The following HERC2 variants were observed in gnomAD, a reference collection of about 807,000 sequenced individuals.
HERC2 encodes the protein E3 ubiquitin-protein ligase HERC2.
In HERC2, 102 loss-of-function variants were observed where a neutral mutation model predicts 537.7. That is an observed-to-expected ratio of 0.19 (90% CI 0.16 to 0.22). The LOEUF (loss-of-function observed/expected upper bound fraction) is 0.22. HERC2 is among the 10% of genes least tolerant of loss of function. The pLI, the probability that HERC2 is intolerant of heterozygous loss-of-function variation, is 1.00. For missense variants in HERC2, 4,236 were observed against 6,198.2 expected, an observed-to-expected ratio of 0.68 and a Z score of 10.63; for synonymous variants, 2,224 against 2,466.2, an observed-to-expected ratio of 0.90 and a Z score of 2.91.
chr15:28,219,423 G>A (rs552405830), intron 37 of HERC2, among the ~76,000 whole-genome samples: 3 of 152,348 alleles, frequency 2.0e-5, no homozygotes, highest in East Asian at 1.9e-4. Flanking sequence ...AGGAAGCAGC[G>A]ACTGGTGTCA....
intron 3 of HERC2, among the ~76,000 whole-genome samples, chr15:28,294,673 G>A (rs2076411894): frequency 6.6e-6 from 1 of 151,646 alleles, no homozygotes; most frequent in African/African-American, 2.4e-5. Context: ...ATCTTCCCAT[G>A]GGAAGCAAGG....
intron 69 of HERC2, among the ~76,000 whole-genome samples, chr15:28,154,725 A>G (rs565579266): frequency 6.6e-6 from 1 of 152,226 alleles, no homozygotes; most frequent in Non-Finnish European, 1.5e-5. Context: ...TCTACTGAGA[A>G]TGTGGGGATG....
intron 5 of HERC2, among the ~76,000 whole-genome samples, chr15:28,279,644 C>T (rs1214606474): frequency 1.3e-5 from 2 of 151,494 alleles, no homozygotes; most frequent in Non-Finnish European, 2.9e-5. Flanking sequence ...CACACACACA[C>T]ACACACAAAT....
intron 23 of HERC2, among the ~76,000 whole-genome samples, chr15:28,243,499 A>T (rs1371444751): frequency 6.6e-6 from 1 of 152,228 alleles, no homozygotes; most frequent in African/African-American, 2.4e-5. Flanking sequence ...TTCATATCCC[A>T]AATACACAGT....
rs1180676129 is a variant in HERC2, at chr15:28,116,712, C to A, written c.13562G>T (p.Ser4521Ile). 1 of 1,613,782 alleles carries A rather than the reference C, an allele frequency of 6.2e-7. No homozygotes were observed. The highest frequency in any genetic ancestry group is 8.5e-7 in the Non-Finnish European group (1 of 1,179,960). Residue 4521 changes from serine (S) to isoleucine (I), a missense_variant, in exon 88 of 93, where the codon AGC (serine) becomes ATC (isoleucine). By Grantham distance (142) the Ser-to-Ile change is moderately radical (BLOSUM62 -2). This residue lies in a region of HERC2 where 313 missense variants were observed against 462.6 expected (regional missense o/e 0.68). Transcript: ENST00000261609. Reference sequence around the variant, plus strand: ...GTGCACGGGTGCTCTGGCGGCCGGGCTGAGCAGGTAGCAGTCTCGGTTGGC... The same window carrying A: ...GTGCACGGGTGCTCTGGCGGCCGGGATGAGCAGGTAGCAGTCTCGGTTGGC... ...SGANRDCYLL[S>I]PAARAPVHSS...
chr15:28,256,179 C>A lies in HERC2; in HGVS notation c.2656G>T (p.Ala886Ser), dbSNP rs759873703. 7 of 1,601,286 alleles carry A rather than the reference C, an allele frequency of 4.4e-6. No homozygotes were observed. The African/African-American group carries it at 5.3e-5, about 12-fold the overall frequency. The change falls in exon 18 of 93, where the codon GCC (alanine) becomes TCC (serine). Residue 886 changes from alanine (A) to serine (S), a missense_variant. This residue lies in a region of HERC2 where 754 missense variants were observed against 1,085.0 expected (regional missense o/e 0.69). Transcript: ENST00000261609. Reference sequence around the variant, plus strand: ...CAGCCACTCTGCAGCACGGCCTGGGCGGCCGACTGCACGGTGCTCAGCACG... The same window carrying A: ...CAGCCACTCTGCAGCACGGCCTGGGAGGCCGACTGCACGGTGCTCAGCACG... Reference protein sequence around the residue: ...AGVLSTVQSAAQAVLQSGWSV... With the variant: ...AGVLSTVQSASQAVLQSGWSV...
At chr15:28,254,658 T>G in intron 19 of HERC2, 140 bp from the exon 20 acceptor site, 1 of 568,098 alleles carries the variant, frequency 1.8e-6, no homozygotes, top group East Asian at 3.2e-5. Flanking sequence ...CAGGCCCCCA[T>G]CTGCCTTGTT....
At position 28,153,613 on chromosome 15, in the gene HERC2, T is replaced by C. The variant is rs577645477; in HGVS notation, c.10747-783A>G. Among the ~76,000 whole-genome samples the C allele has an allele frequency of 2.4e-3, 368 of 152,208 alleles. 1 individual carries two copies. The highest frequency in any genetic ancestry group is 8.4e-3 in the African/African-American group (349 of 41,516). On this transcript the variant is annotated intron_variant, in intron 69 of 92. Transcript: ENST00000261609. The stretch of plus-strand genomic sequence containing the variant: ...TTGCAGTGAGCTGAGACTGCACCAC[T>C]GCACTCCAGCCTGAGCGACAGAGAG...
intron 83 of HERC2, among the ~76,000 whole-genome samples, chr15:28,127,843 G>A (rs888911482): frequency 5.9e-5 from 9 of 152,132 alleles, no homozygotes; most frequent in African/African-American, 2.2e-4. Context: ...AATACATTAG[G>A]ATCCATGATT....
chr15:28,209,700 T>C (rs574378909), intron 44 of HERC2, among the ~76,000 whole-genome samples: 1 of 152,148 alleles, frequency 6.6e-6, no homozygotes, highest in Non-Finnish European at 1.5e-5. Flanking sequence ...TATATGCAAA[T>C]ACTACACCAT....
chr15:28,112,958 G>T, intron 92 of HERC2, 113 bp downstream of exon 92: 2 of 788,324 alleles, frequency 2.5e-6, no homozygotes, highest in Non-Finnish European at 2.0e-6. Context: ...TTTCATTTCT[G>T]TAAAGACTCA....
At position 28,191,064 on chromosome 15, in the gene HERC2, A is replaced by G. The variant is rs77013448; in HGVS notation, c.8558-8T>C. 397 of 1,604,858 alleles carry G rather than the reference A, an allele frequency of 2.5e-4. No individual in the cohort carries two copies. In the African/African-American group the frequency reaches 4.9e-3, roughly 20 times the overall value. ...TATTCAGGGAATTTCCACCTAGGAA[A>G]AAATGGGTAAAGAATCAAACAAAGG... On this transcript the variant is annotated splice_region_variant and splice_polypyrimidine_tract_variant and intron_variant, in intron 54 of 92. Coordinates refer to ENST00000261609, the MANE Select transcript of HERC2 (RefSeq NM_004667.6).
Position 28,195,696 on chromosome 15 carries a change from T to C in HERC2, c.8260+519A>G, listed in dbSNP as rs188752526. On this transcript the variant is annotated intron_variant, in intron 52 of 92. Coordinates refer to ENST00000261609, the MANE Select transcript of HERC2 (RefSeq NM_004667.6). ...GGTAAGGGGAAGTAGGGCAGTTAAA[T>C]TGCTTAATGGGTACAGAGTTTCTGA... Among the ~76,000 whole-genome samples, 68 of 152,064 alleles carry C rather than the reference T, an allele frequency of 4.5e-4. No homozygotes were observed. The East Asian group carries it at 8.5e-3, about 19-fold the overall frequency.
At chr15:28,239,002 C>T (rs1233247668) in intron 23 of HERC2, among the ~76,000 whole-genome samples, 3 of 152,118 alleles carry the variant, frequency 2.0e-5, no homozygotes, top group Admixed American at 6.5e-5. Context: ...TGCCAGGCCA[C>T]AGAGCAAATC....
chr15:28,224,015 T>A lies in HERC2; in HGVS notation c.5465-1800A>T, dbSNP rs71397290. ...TGTAATTTTTAAATGCAACTTTTGG[T>A]TGCTAATGAGGCCTCAAGAAATCAG... On this transcript the variant is annotated intron_variant, in intron 35 of 92. Transcript: ENST00000261609. Among the ~76,000 whole-genome samples, 1,494 of 152,226 alleles carry A rather than the reference T, an allele frequency of 9.8e-3. 14 individuals are homozygous for A. The highest frequency in any genetic ancestry group is 0.014 in the Non-Finnish European group (980 of 68,028).
Position 28,229,333 on chromosome 15 carries a change from C to G in HERC2, c.5134G>C (p.Asp1712His), listed in dbSNP as rs1257869593. The G allele has an allele frequency of 6.2e-7, 1 of 1,612,828 alleles. No individual in the cohort carries two copies. The highest frequency in any genetic ancestry group is 1.3e-5 in the African/African-American group (1 of 74,906). Residue 1712 changes from aspartate to histidine, a missense_variant, in exon 34 of 93, where the codon GAT becomes CAT. Physicochemically the swap from Asp to His is moderately conservative, Grantham distance 81 (BLOSUM62 -1). Coordinates refer to ENST00000261609, the MANE Select transcript of HERC2 (RefSeq NM_004667.6). ...ATCAAATCAACATCCTTTAAACAAT[C>G]AGTAAGAGGTTCCCTTTCAAATAAA... ...EGIDIGEPLTDCLKDVDLIPP... is the reference protein window; with the variant it reads ...EGIDIGEPLTHCLKDVDLIPP...
intron 16 of HERC2, among the ~76,000 whole-genome samples, chr15:28,258,443 GC>G: frequency 6.6e-6 from 1 of 152,134 alleles, no homozygotes; most frequent in South Asian, 2.1e-4. Context: ...TTGCACTCCG[GC>G]CTGGGCAATA....
intron 90 of HERC2, 78 bp downstream of exon 90, chr15:28,114,534 A>C: frequency 7.5e-7 from 1 of 1,339,698 alleles, no homozygotes. Context: ...CACTCCTGAA[A>C]AACACACATG....
At chr15:28,217,028 TAAC>T (rs1177728136) in intron 38 of HERC2, among the ~76,000 whole-genome samples, 16 of 152,074 alleles carry the variant, frequency 1.1e-4, no homozygotes, top group South Asian at 2.1e-4. Flanking sequence ...GCATTCACAA[TAAC>T]ATCACTCGTG....
Sources: allele counts gnomAD v4.1 joint callset (sites outside exome capture counted in the v4.1 genomes callset), GRCh38; gene constraint gnomAD v4.1.1; regional missense constraint gnomAD v4.1.1; transcripts MANE v1.5; gene names NCBI Gene and HGNC (gene_info 2026-07-23, HGNC 2026-07-21).